NINL: variants seen among roughly 807,000 people sequenced by gnomAD.
NINL encodes ninein-like protein.
In NINL, 153 loss-of-function variants were observed where a neutral mutation model predicts 160.3. The ratio of observed to expected loss-of-function variants is 0.95; its 90% CI spans 0.84 to 1.09. NINL has a LOEUF of 1.09. NINL is among the 50% of genes least tolerant of loss of function. The pLI is 0.00. For synonymous variants in NINL, 800 were observed against 734.8 expected, an observed-to-expected ratio of 1.09 and a Z score of -1.43; for missense variants, 1,829 against 1,764.0, an observed-to-expected ratio of 1.04 and a Z score of -0.66.
At chr20:25,474,327 C>T (rs1436890950) in intron 17 of NINL, among the ~76,000 whole-genome samples, 2 of 152,358 alleles carry the variant, frequency 1.3e-5, no homozygotes, top group Admixed American at 1.3e-4. Context: ...ACCCTTTCCT[C>T]TTCCAACCTC....
In NINL at chr20:25,482,087, C is replaced by T. The variant is rs766249914; in HGVS notation, c.1691G>A (p.Arg564His). 1.6e-5 allele frequency: 26 copies of T among 1,597,702 alleles called. No individual in the cohort carries two copies. The highest frequency in any genetic ancestry group is 1.6e-4 in the African/African-American group (12 of 74,898). Reference protein sequence around the residue: ...YELKCRDLQDRNDELQAELEG... With the variant: ...YELKCRDLQDHNDELQAELEG... ...CAGCTCAGCTTGCAGCTCATCGTTG[C>T]GGTCCTGCAGGTCCTGTGGGGACAG... The change falls in exon 14 of 24, where the codon CGC (arginine) becomes CAC (histidine). Residue 564 changes from arginine (R) to histidine (H), a missense_variant. Arg to His is a conservative substitution (Grantham distance 29). Transcript: ENST00000278886.
intron 1 of NINL, among the ~76,000 whole-genome samples, chr20:25,580,881 C>T (rs2065166822): frequency 6.6e-6 from 1 of 152,224 alleles, no homozygotes; most frequent in Non-Finnish European, 1.5e-5. Context: ...GCACTTGAAG[C>T]CAAGGACTAA....
chr20:25,549,899 T>C (rs916436875), intron 1 of NINL, among the ~76,000 whole-genome samples: 3 of 152,152 alleles, frequency 2.0e-5, no homozygotes, highest in African/African-American at 4.8e-5. Context: ...AAACCTGCCA[T>C]ACACACGTCT....
At position 25,477,065 on chromosome 20, in the gene NINL, A is replaced by G. The variant is rs753648358; in HGVS notation, c.2226T>C (p.Ser742=). 3.1e-6 allele frequency: 5 copies of G among 1,596,494 alleles called. No homozygotes were observed. The African/African-American group carries it at 6.7e-5, about 21-fold the overall frequency. ...QIRREAEAEL[S]GELSGLGALP... ...GGGCTCCCAGCCCCGACAGCTCTCC[A>G]CTCAGCTCCGCCTCAGCCTCTCTCC... The change falls in exon 17 of 24, where the codon AGT becomes AGC. Residue 742 remains serine (S), a synonymous_variant. Transcript: ENST00000278886.
chr20:25,574,052 C>T (rs1229178994), intron 1 of NINL, among the ~76,000 whole-genome samples: 1 of 152,114 alleles, frequency 6.6e-6, no homozygotes, highest in Non-Finnish European at 1.5e-5. Flanking sequence ...GAGAAACCAG[C>T]CACACCCCTG....
At chr20:25,480,088 G>A (rs1363565007) in intron 15 of NINL, 73 bp downstream of exon 15, 5 of 1,054,970 alleles carry the variant, frequency 4.7e-6, no homozygotes, top group Non-Finnish European at 7.4e-6. Context: ...GGAAATGTCA[G>A]CGTGCCCAAG....
chr20:25,575,764 CA>C (rs66866946), intron 1 of NINL, among the ~76,000 whole-genome samples: 80,324 of 150,888 alleles, frequency 0.53, 22,274 homozygotes, highest in East Asian at 0.97. Flanking sequence ...CACAAAACAA[CA>C]AAAAAAAAAA....
At chr20:25,504,156 C>A in intron 6 of NINL, 52 bp from the exon 7 acceptor site, 1 of 1,519,404 alleles carries the variant, frequency 6.6e-7, no homozygotes, top group South Asian at 1.3e-5. Context: ...TCCACCCAAC[C>A]GCCCTCACCA....
intron 1 of NINL, among the ~76,000 whole-genome samples, chr20:25,533,217 T>G (rs1258036349): frequency 1.3e-5 from 2 of 151,962 alleles, no homozygotes; most frequent in Non-Finnish European, 2.9e-5. Flanking sequence ...CACACTCCAA[T>G]CCCTGGAGTC....
In NINL at chr20:25,570,284, A is replaced by G. The variant is rs189041006; in HGVS notation, c.-12+15171T>C. ...ACCTCATGTTCAACTATAATACTCA[A>G]TGCCGGAGGTGGGGCCTGGTGGGAG... On this transcript the variant is annotated intron_variant, in intron 1 of 23. Transcript: ENST00000278886. Among the ~76,000 whole-genome samples the G allele has an allele frequency of 1.4e-4, 21 of 152,288 alleles. No homozygotes were observed. The East Asian group carries it at 4.0e-3, about 29-fold the overall frequency.
chr20:25,522,500 G>C (rs935368888), intron 2 of NINL, among the ~76,000 whole-genome samples: 1 of 152,184 alleles, frequency 6.6e-6, no homozygotes, highest in African/African-American at 2.4e-5. Context: ...TACCTTGAAT[G>C]CATGTCCTTT....
chr20:25,585,114 G>A (rs2065214062), intron 1 of NINL, among the ~76,000 whole-genome samples: 1 of 152,148 alleles, frequency 6.6e-6, no homozygotes, highest in Non-Finnish European at 1.5e-5. Flanking sequence ...CCCCGGCCAA[G>A]GCCGCCCGCC....
intron 21 of NINL, among the ~76,000 whole-genome samples, chr20:25,461,181 C>T (rs1043873434): frequency 8.5e-5 from 13 of 152,208 alleles, no homozygotes; most frequent in African/African-American, 3.1e-4. Context: ...CATGTCACCC[C>T]ACTCCCAGGG....
In NINL at chr20:25,481,967, C is replaced by A; in HGVS notation, c.1810+1G>T. 1 of 1,596,076 alleles carries A rather than the reference C, an allele frequency of 6.3e-7. No individual in the cohort carries two copies. Among genetic ancestry groups the A allele is most frequent in the Non-Finnish European group, 8.5e-7 (1 of 1,177,716 alleles). On this transcript the variant is annotated splice_donor_variant, in intron 14 of 23. Coordinates refer to ENST00000278886, the MANE Select transcript of NINL (RefSeq NM_025176.6). LOFTEE classifies it high-confidence loss of function. ...GCCCCCTCCCAGGGACGGGCTCCTACCTGCTGGGCCGAGTCCAGGGAGCTG... is the reference window on the plus strand; with the variant it reads ...GCCCCCTCCCAGGGACGGGCTCCTAACTGCTGGGCCGAGTCCAGGGAGCTG...
At chr20:25,584,859 C>A (rs1478530097) in intron 1 of NINL, among the ~76,000 whole-genome samples, 1 of 152,248 alleles carries the variant, frequency 6.6e-6, no homozygotes, top group African/African-American at 2.4e-5. Context: ...TGTGTGACTG[C>A]GCGCACAGGC....
chr20:25,475,736 T>A (rs1228240348), intron 17 of NINL, among the ~76,000 whole-genome samples: 1 of 152,234 alleles, frequency 6.6e-6, no homozygotes, highest in African/African-American at 2.4e-5. Context: ...GGCAGGTGCC[T>A]GTAATCCCAG....
intron 21 of NINL, among the ~76,000 whole-genome samples, chr20:25,460,482 C>G (rs898870305): frequency 6.6e-6 from 1 of 152,324 alleles, no homozygotes; most frequent in African/African-American, 2.4e-5. Flanking sequence ...CTCCCAGCGC[C>G]AGGTGCTGAG....
intron 1 of NINL, among the ~76,000 whole-genome samples, chr20:25,540,589 C>G (rs1271505473): frequency 1.3e-5 from 2 of 152,158 alleles, no homozygotes; most frequent in Admixed American, 1.3e-4. Flanking sequence ...GTGTCCGTAA[C>G]GGGAAGCCAT....
chr20:25,453,526 G>T lies in NINL; in HGVS notation c.4074C>A (p.Ser1358Arg). Residue 1358 changes from serine (S) to arginine (R), a missense_variant, in exon 24 of 24, where the codon AGC becomes AGA. Ser to Arg is a moderately radical substitution (Grantham distance 110, BLOSUM62 -1). Transcript: ENST00000278886. ...CGCGAACTTTTTCTTCCAAGAGGCG[G>T]CTTTGTTTCTCGGCGCCTCGCTGCT... ...EEKQRGAEKQSRLLEEKVRAL... is the reference protein window; with the variant it reads ...EEKQRGAEKQRRLLEEKVRAL... 6.2e-7 allele frequency: 1 copy of T among 1,614,120 alleles called. No homozygotes were observed. The highest frequency in any genetic ancestry group is 8.5e-7 in the Non-Finnish European group (1 of 1,179,996).
Sources: gnomAD v4.1 joint callset for allele counts (sites outside exome capture counted in the v4.1 genomes callset) on GRCh38, gnomAD v4.1.1 for gene constraint, MANE v1.5 for transcripts, NCBI Gene and HGNC (gene_info 2026-07-23, HGNC 2026-07-21) for gene names.